The following SLC4A5 variants were observed in gnomAD, a reference collection of about 807,000 sequenced individuals.
The protein encoded by SLC4A5 is electrogenic sodium bicarbonate cotransporter 4.
In SLC4A5, 96 loss-of-function variants were observed where a neutral mutation model predicts 120.4. That is an observed-to-expected ratio of 0.80 (90% CI 0.68 to 0.94). The LOEUF (loss-of-function observed/expected upper bound fraction) is 0.94, where lower values mean the gene tolerates loss of function less well. Among genes scored for constraint, SLC4A5 ranks in the 40% least tolerant of loss-of-function variants. SLC4A5 has a pLI of 0.00. For missense variants in SLC4A5, 1,259 were observed against 1,459.5 expected, an observed-to-expected ratio of 0.86 and a Z score of 2.24; for synonymous variants, 550 against 571.1, an observed-to-expected ratio of 0.96 and a Z score of 0.53.
intron 19 of SLC4A5, 114 bp downstream of exon 19, chr2:74,246,921 TA>T: frequency 7.3e-7 from 1 of 1,361,524 alleles, no homozygotes. Context: ...CTTGGAACTG[TA>T]AGCCCTTGGC....
chr2:74,225,066 CA>C, intron 27 of SLC4A5, 71 bp from the exon 28 acceptor site: 1 of 1,498,132 alleles, frequency 6.7e-7, no homozygotes, highest in Non-Finnish European at 9.1e-7. Context: ...CAAACTCAGG[CA>C]TAGATTTTTT....
chr2:74,332,794 G>A (rs994846830), intron 4 of SLC4A5, among the ~76,000 whole-genome samples: 8 of 152,120 alleles, frequency 5.3e-5, no homozygotes, highest in African/African-American at 1.9e-4. Context: ...ACCTAGTCCT[G>A]TGATGTGTAT....
At chr2:74,228,625 C>CA (rs1451901818) in intron 25 of SLC4A5, among the ~76,000 whole-genome samples, 2 of 150,798 alleles carry the variant, frequency 1.3e-5, no homozygotes, top group East Asian at 3.9e-4. Flanking sequence ...GACTCTGTCT[C>CA]AAAAAAACCA....
intron 19 of SLC4A5, among the ~76,000 whole-genome samples, chr2:74,245,916 G>A (rs932278076): frequency 6.6e-6 from 1 of 152,196 alleles, no homozygotes. Context: ...GAGACCACCA[G>A]GGCCCGCATT....
At chr2:74,328,289 A>G in intron 4 of SLC4A5, 103 bp from the exon 5 acceptor site, 2 of 662,150 alleles carry the variant, frequency 3.0e-6, no homozygotes, top group Non-Finnish European at 3.7e-6. Context: ...CCATGTGACC[A>G]AGGTGGGGGG....
intron 28 of SLC4A5, among the ~76,000 whole-genome samples, chr2:74,223,791 T>C (rs1235009242): frequency 6.6e-6 from 1 of 152,230 alleles, no homozygotes; most frequent in East Asian, 1.9e-4. Context: ...AACACATGCA[T>C]TATGGGACTC....
intron 7 of SLC4A5, among the ~76,000 whole-genome samples, chr2:74,297,894 G>A (rs1274449704): frequency 6.6e-6 from 1 of 152,134 alleles, no homozygotes; most frequent in East Asian, 1.9e-4. Context: ...TTCAACATGA[G>A]GCAATTTGGC....
intron 10 of SLC4A5, 102 bp from the exon 11 acceptor site, chr2:74,262,334 C>G: frequency 6.5e-6 from 4 of 619,164 alleles, no homozygotes; most frequent in Non-Finnish European, 1.1e-5. Context: ...GGTGGCAAGA[C>G]ATGTCTCTTC....
chr2:74,254,519 G>T (rs1323228835), intron 14 of SLC4A5, 100 bp downstream of exon 14: 4 of 869,104 alleles, frequency 4.6e-6, no homozygotes, highest in Non-Finnish European at 7.8e-6. Context: ...TACACAGTAG[G>T]TGCTCAAATG....
chr2:74,301,830 T>C (rs1672482895), intron 7 of SLC4A5, among the ~76,000 whole-genome samples: 1 of 152,200 alleles, frequency 6.6e-6, no homozygotes, highest in Admixed American at 6.5e-5. Flanking sequence ...ATCACTGTGG[T>C]TGGTGACTTT....
intron 3 of SLC4A5, among the ~76,000 whole-genome samples, chr2:74,334,913 G>GTA (rs1428644853): frequency 6.6e-6 from 1 of 152,130 alleles, no homozygotes; most frequent in Non-Finnish European, 1.5e-5. Flanking sequence ...GCTCACATGT[G>GTA]TATCCTGAGG....
At chr2:74,288,884 C>A (rs2104188097) in intron 7 of SLC4A5, among the ~76,000 whole-genome samples, 1 of 152,332 alleles carries the variant, frequency 6.6e-6, no homozygotes, top group East Asian at 1.9e-4. Flanking sequence ...GCACCTCTAG[C>A]CACCTACCCA....
chr2:74,313,222 G>A (rs1481227998), intron 6 of SLC4A5, among the ~76,000 whole-genome samples: 1 of 151,742 alleles, frequency 6.6e-6, no homozygotes, highest in Non-Finnish European at 1.5e-5. Flanking sequence ...ATATGATTCT[G>A]TTTTCTCTCA....
chr2:74,244,113 T>C (rs1423101026), intron 19 of SLC4A5, among the ~76,000 whole-genome samples: 1 of 152,202 alleles, frequency 6.6e-6, no homozygotes, highest in Non-Finnish European at 1.5e-5. Context: ...TCCCCCCTCA[T>C]CCCAGTCTCC....
chr2:74,245,789 C>T (rs1312342974), intron 19 of SLC4A5, among the ~76,000 whole-genome samples: 3 of 152,176 alleles, frequency 2.0e-5, no homozygotes, highest in East Asian at 1.9e-4. Context: ...CAAATATTTT[C>T]GATTGACTTA....
intron 22 of SLC4A5, among the ~76,000 whole-genome samples, chr2:74,234,400 A>G (rs1454307879): frequency 6.6e-6 from 1 of 151,948 alleles, no homozygotes; most frequent in Non-Finnish European, 1.5e-5. Context: ...GATGGTCTCA[A>G]TCTCCTCACC....
chr2:74,328,330 G>A (rs866852851), intron 4 of SLC4A5, 144 bp from the exon 5 acceptor site: 14 of 252,224 alleles, frequency 5.6e-5, no homozygotes, highest in Admixed American at 1.3e-4. Flanking sequence ...AGGGATGGAT[G>A]CCTGGTTGAC....
At position 74,220,201 on chromosome 2, in the gene SLC4A5, C is replaced by T. The variant is rs187048463; in HGVS notation, c.*33+1233G>A. On this transcript the variant is annotated intron_variant, in intron 30 of 30. Transcript: ENST00000394019. ...AAATTCATCTTTTCTGTGTTTGCCC[C>T]CACTATGTCATCATCAGGGAGTCTC... Among the ~76,000 whole-genome samples the T allele has an allele frequency of 4.5e-3, 679 of 152,304 alleles. 20 individuals carry two copies. Among genetic ancestry groups the T allele is most frequent in the Admixed American group, 0.04 (614 of 15,296 alleles).
intron 27 of SLC4A5, among the ~76,000 whole-genome samples, chr2:74,226,683 G>A (rs111389564): frequency 9.9e-5 from 15 of 152,202 alleles, no homozygotes; most frequent in Admixed American, 3.3e-4. Context: ...TTCTTTCTCC[G>A]TCCCTCCCTG....
Sources: gnomAD v4.1 joint callset for allele counts (sites outside exome capture counted in the v4.1 genomes callset) on GRCh38, gnomAD v4.1.1 for gene constraint, MANE v1.5 for transcripts, NCBI Gene and HGNC (gene_info 2026-07-23, HGNC 2026-07-21) for gene names.